The following LUC7L variants were observed in gnomAD, a reference collection of about 807,000 sequenced individuals.
The protein encoded by LUC7L is LUC7 like.
In LUC7L, 29 loss-of-function variants were observed where a neutral mutation model predicts 51.1. The ratio of observed to expected loss-of-function variants is 0.57; its 90% CI spans 0.42 to 0.77. LUC7L has a LOEUF of 0.77. Ranked by LOEUF, LUC7L falls within the 30% of genes least tolerant of loss-of-function variation. The pLI, the probability that LUC7L is intolerant of heterozygous loss-of-function variation, is 0.00. For missense variants in LUC7L, 403 were observed against 511.9 expected, an observed-to-expected ratio of 0.79 and a Z score of 2.05; for synonymous variants, 181 against 180.7, an observed-to-expected ratio of 1.00 and a Z score of -0.01.
In LUC7L at chr16:220,886, A is replaced by G. The variant is rs557740162; in HGVS notation, c.157-139T>C. On this transcript the variant is annotated intron_variant, in intron 2 of 9. Coordinates refer to ENST00000293872, the MANE Select transcript of LUC7L (RefSeq NM_201412.3). ...GACACTGCAATAAGAAAATTAAGAA[A>G]GGAGATATGGCTGAGAAGCCTCATT... The G allele has an allele frequency of 5.3e-5, 33 of 628,354 alleles. No individual in the cohort carries two copies. The African/African-American group carries it at 5.6e-4, about 11-fold the overall frequency. 38.9% of individuals were successfully genotyped at this position (628,354 alleles called of 1,614,324 possible).
intron 6 of LUC7L, among the ~76,000 whole-genome samples, chr16:198,552 C>G (rs528256341): frequency 1.3e-5 from 2 of 152,254 alleles, no homozygotes; most frequent in South Asian, 4.1e-4. Context: ...CATTTTCTTC[C>G]CTTAACGACA....
At chr16:205,775 A>G (rs2049467172) in intron 5 of LUC7L, among the ~76,000 whole-genome samples, 1 of 152,128 alleles carries the variant, frequency 6.6e-6, no homozygotes, top group Admixed American at 6.5e-5. Flanking sequence ...TATTTTTAGT[A>G]GAGACGGGGA....
At chr16:192,452 T>C (rs1353577018) in intron 7 of LUC7L, among the ~76,000 whole-genome samples, 1 of 151,732 alleles carries the variant, frequency 6.6e-6, no homozygotes, top group Non-Finnish European at 1.5e-5. Context: ...CACACAGTCC[T>C]GCGCTGGGAC....
chr16:217,375 C>A (rs1426110503), intron 3 of LUC7L, among the ~76,000 whole-genome samples: 1 of 152,002 alleles, frequency 6.6e-6, no homozygotes, highest in Non-Finnish European at 1.5e-5. Flanking sequence ...ATCTCAGGTA[C>A]CCCCCAAATA....
At chr16:201,972 G>A (rs1295387645) in intron 5 of LUC7L, among the ~76,000 whole-genome samples, 2 of 151,784 alleles carry the variant, frequency 1.3e-5, no homozygotes, top group Non-Finnish European at 2.9e-5. Context: ...TCGAACTCCT[G>A]ACCTCAGGTG....
chr16:217,852 A>G (rs2049849876), intron 3 of LUC7L, among the ~76,000 whole-genome samples: 1 of 152,074 alleles, frequency 6.6e-6, no homozygotes, highest in Non-Finnish European at 1.5e-5. Flanking sequence ...CAGCCTGACC[A>G]AAATGGTGAA....
intron 9 of LUC7L, 129 bp from the exon 10 acceptor site, chr16:189,468 G>A (rs555536614): frequency 3.6e-5 from 52 of 1,427,768 alleles, no homozygotes; most frequent in East Asian, 2.8e-4. Flanking sequence ...GAAACCCCCC[G>A]GAGGCCAACC....
At chr16:192,049 C>T (rs1450571306) in intron 7 of LUC7L, among the ~76,000 whole-genome samples, 1 of 152,114 alleles carries the variant, frequency 6.6e-6, no homozygotes, top group African/African-American at 2.4e-5. Flanking sequence ...GCATCTTCTA[C>T]TTCCCACCTC....
At chr16:205,578 C>T (rs2049459001) in intron 5 of LUC7L, among the ~76,000 whole-genome samples, 1 of 152,052 alleles carries the variant, frequency 6.6e-6, no homozygotes, top group Non-Finnish European at 1.5e-5. Flanking sequence ...GCTAAAACTG[C>T]TTGCAAAAAC....
At chr16:220,581 C>T (rs879421365) in intron 3 of LUC7L, 68 bp downstream of exon 3, 3 of 1,180,236 alleles carry the variant, frequency 2.5e-6, no homozygotes, top group South Asian at 1.3e-5. Context: ...ACGTATGTTA[C>T]ATTTTTCTTG....
Position 227,469 on chromosome 16 carries a change from G to C in LUC7L, c.62-133C>G, listed in dbSNP as rs2050160349. The C allele has an allele frequency of 4.8e-6, 7 of 1,469,216 alleles. No individual in the cohort carries two copies. In the East Asian group the frequency reaches 7.5e-5, roughly 16 times the overall value. The allele number at this position is 1,469,216 out of a possible 1,614,324, so 91.0% of individuals were successfully genotyped here. ...TTCTCCCCATCAAATGCAATGAAAAGCTGATCTAAAGATATTTACAACTGG... is the reference window on the plus strand; with the variant it reads ...TTCTCCCCATCAAATGCAATGAAAACCTGATCTAAAGATATTTACAACTGG... On this transcript the variant is annotated intron_variant, in intron 1 of 9. Coordinates refer to ENST00000293872, the MANE Select transcript of LUC7L (RefSeq NM_201412.3).
chr16:210,353 T>C (rs2049605231), intron 3 of LUC7L, among the ~76,000 whole-genome samples: 1 of 152,188 alleles, frequency 6.6e-6, no homozygotes, highest in Admixed American at 6.5e-5. Context: ...TTCAGTATGT[T>C]CAAATCAAAG....
chr16:190,696 G>A (rs980878893), intron 7 of LUC7L, 126 bp from the exon 8 acceptor site: 6 of 815,190 alleles, frequency 7.4e-6, no homozygotes, highest in African/African-American at 1.7e-5. Flanking sequence ...CCTGGACAAC[G>A]TGGTGAAACC....
intron 3 of LUC7L, among the ~76,000 whole-genome samples, chr16:211,247 C>T (rs2049631504): frequency 6.6e-6 from 1 of 152,118 alleles, no homozygotes; most frequent in Non-Finnish European, 1.5e-5. Flanking sequence ...GGAAAAGAAA[C>T]TCTAGACGTC....
rs145324659 is a variant in LUC7L at position 198,548 on chromosome 16, C to G, written c.687+514G>C. On this transcript the variant is annotated intron_variant, in intron 6 of 9. Coordinates refer to ENST00000293872, the MANE Select transcript of LUC7L (RefSeq NM_201412.3). ...TTCTGGGAACAGGCTCTGCCATTTT[C>G]TTCCCTTAACGACAGGGTCCAAAAT... 5.6e-3 allele frequency among the ~76,000 whole-genome samples: 852 copies of G among 152,274 alleles called. 10 individuals are homozygous for G. The highest frequency in any genetic ancestry group is 0.02 in the African/African-American group (821 of 41,558).
chr16:206,602 G>C (rs545724145), intron 4 of LUC7L, among the ~76,000 whole-genome samples: 2 of 152,250 alleles, frequency 1.3e-5, no homozygotes, highest in East Asian at 3.9e-4. Context: ...ACAAGGAGAG[G>C]CTTAGTTCCA....
intron 2 of LUC7L, among the ~76,000 whole-genome samples, chr16:222,543 G>T (rs577925920): frequency 1.4e-4 from 21 of 152,038 alleles, no homozygotes; most frequent in African/African-American, 4.8e-4. Flanking sequence ...GAGGCTGAGG[G>T]GAAGAGATCG....
intron 5 of LUC7L, among the ~76,000 whole-genome samples, chr16:200,628 T>A (rs1208836710): frequency 6.6e-6 from 1 of 151,898 alleles, no homozygotes; most frequent in Non-Finnish European, 1.5e-5. Flanking sequence ...ACACCTATAA[T>A]CTCAGCACTT....
intron 3 of LUC7L, among the ~76,000 whole-genome samples, chr16:211,745 G>A (rs2049646702): frequency 6.6e-6 from 1 of 152,182 alleles, no homozygotes; most frequent in Admixed American, 6.6e-5. Context: ...CCTGAGCACA[G>A]ACAGCACCAG....
Sources: allele counts gnomAD v4.1 joint callset (sites outside exome capture counted in the v4.1 genomes callset), GRCh38; gene constraint gnomAD v4.1.1; transcripts MANE v1.5; gene names NCBI Gene and HGNC (gene_info 2026-07-23, HGNC 2026-07-21).